GABRB2: variants seen among roughly 807,000 people sequenced by gnomAD.
GABRB2 encodes the protein gamma-aminobutyric acid type A receptor subunit beta2.
Under a neutral mutation model 54.7 loss-of-function variants are expected in GABRB2, and 16 were observed. That is an observed-to-expected ratio of 0.29 (90% CI 0.20 to 0.44). The LOEUF (loss-of-function observed/expected upper bound fraction) is 0.44, where lower values mean the gene tolerates loss of function less well. Ranked by LOEUF, GABRB2 falls within the 20% of genes least tolerant of loss-of-function variation. GABRB2 has a pLI of 1.00. For missense variants in GABRB2, 355 were observed against 644.0 expected, an observed-to-expected ratio of 0.55 and a Z score of 4.86; for synonymous variants, 244 against 233.8, an observed-to-expected ratio of 1.04 and a Z score of -0.40.
At chr5:161,402,869 A>G (rs1756239698) in intron 5 of GABRB2, among the ~76,000 whole-genome samples, 3 of 152,162 alleles carry the variant, frequency 2.0e-5, no homozygotes, top group South Asian at 2.1e-4. Flanking sequence ...CTCATTCCCA[A>G]TGCTGGCTGT....
rs182407493 is a variant in GABRB2, at chr5:161,313,553, G to A, written c.1191+12815C>T. On this transcript the variant is annotated intron_variant, in intron 9 of 9. Coordinates refer to ENST00000393959, the MANE Select transcript of GABRB2 (RefSeq NM_001371727.1). The stretch of plus-strand genomic sequence containing the variant: ...CGAGACAGTGGACTGACTGCCGTTA[G>A]ACTGAGAGAGCCAATGCTACTGAAT... Among the ~76,000 whole-genome samples the A allele has an allele frequency of 9.5e-4, 143 of 150,484 alleles. 1 individual carries two copies. Among genetic ancestry groups the A allele is most frequent in the Admixed American group, 3.3e-3 (50 of 15,004 alleles).
intron 3 of GABRB2, among the ~76,000 whole-genome samples, chr5:161,463,588 T>TAG (rs1758192320): frequency 8.4e-6 from 1 of 119,196 alleles, no homozygotes; most frequent in Non-Finnish European, 1.8e-5. Flanking sequence ...TATATATATA[T>TAG]ATATATATAT....
intron 3 of GABRB2, among the ~76,000 whole-genome samples, chr5:161,475,641 C>T (rs990951089): frequency 6.6e-6 from 1 of 151,816 alleles, no homozygotes; most frequent in Non-Finnish European, 1.5e-5. Context: ...TCCTGGAATG[C>T]AAAGATGGTT....
chr5:161,308,494 GA>G (rs1483408599), intron 9 of GABRB2, among the ~76,000 whole-genome samples: 2 of 152,094 alleles, frequency 1.3e-5, no homozygotes, highest in African/African-American at 4.8e-5. Flanking sequence ...CTCAGAACTA[GA>G]AAAAACTATC....
chr5:161,402,745 C>T (rs971991054), intron 5 of GABRB2, among the ~76,000 whole-genome samples: 2 of 152,104 alleles, frequency 1.3e-5, no homozygotes, highest in African/African-American at 2.4e-5. Context: ...TCAGACCTCA[C>T]CCAGGTCCAC....
At chr5:161,336,524 C>T in intron 6 of GABRB2, 108 bp downstream of exon 6, 2 of 1,286,062 alleles carry the variant, frequency 1.6e-6, no homozygotes, top group South Asian at 1.5e-5. Flanking sequence ...GTGGATTTGT[C>T]TTGTAAAGTC....
intron 3 of GABRB2, among the ~76,000 whole-genome samples, chr5:161,495,000 A>G (rs1759189121): frequency 6.6e-6 from 1 of 151,942 alleles, no homozygotes; most frequent in Non-Finnish European, 1.5e-5. Flanking sequence ...GACATTTGAA[A>G]TTCTAATTGA....
chr5:161,516,604 C>T (rs1288104984), intron 3 of GABRB2, among the ~76,000 whole-genome samples: 1 of 152,288 alleles, frequency 6.6e-6, no homozygotes, highest in African/African-American at 2.4e-5. Flanking sequence ...ATATGCCACA[C>T]ATTCCCTATA....
At chr5:161,448,566 T>A (rs1269273241) in intron 4 of GABRB2, among the ~76,000 whole-genome samples, 1 of 152,160 alleles carries the variant, frequency 6.6e-6, no homozygotes, top group East Asian at 1.9e-4. Flanking sequence ...TAAAGTTTTG[T>A]ATCTTTGGCT....
At chr5:161,459,315 T>C (rs998567269) in intron 4 of GABRB2, 1 of 340,352 alleles carries the variant, frequency 2.9e-6, no homozygotes, top group Non-Finnish European at 5.5e-6. Context: ...TTCACAATGT[T>C]TTTGTATTTT....
intron 4 of GABRB2, among the ~76,000 whole-genome samples, chr5:161,414,072 G>T (rs1174075933): frequency 1.3e-5 from 2 of 152,268 alleles, no homozygotes; most frequent in East Asian, 3.9e-4. Context: ...TTTTACTGTT[G>T]TTTTAATGAT....
chr5:161,370,978 A>G (rs984264414), intron 5 of GABRB2, among the ~76,000 whole-genome samples: 6 of 152,208 alleles, frequency 3.9e-5, no homozygotes, highest in African/African-American at 1.4e-4. Flanking sequence ...AAAATCATGT[A>G]GCAGTATGTT....
intron 5 of GABRB2, among the ~76,000 whole-genome samples, chr5:161,394,999 C>A (rs2113055029): frequency 6.6e-6 from 1 of 152,158 alleles, no homozygotes; most frequent in Non-Finnish European, 1.5e-5. Flanking sequence ...AAATGACAAT[C>A]TATAATGGCT....
intron 8 of GABRB2, among the ~76,000 whole-genome samples, chr5:161,327,190 G>A (rs996794157): frequency 6.6e-6 from 1 of 151,930 alleles, no homozygotes; most frequent in Non-Finnish European, 1.5e-5. Flanking sequence ...ACCTCATGTT[G>A]GTTTAAAGTT....
intron 3 of GABRB2, among the ~76,000 whole-genome samples, chr5:161,541,519 A>T (rs981697560): frequency 6.6e-6 from 1 of 152,222 alleles, no homozygotes; most frequent in African/African-American, 2.4e-5. Context: ...TTCACTGATT[A>T]CCTTGCATCT....
chr5:161,344,610 G>C (rs1315999018), intron 5 of GABRB2, among the ~76,000 whole-genome samples: 1 of 152,010 alleles, frequency 6.6e-6, no homozygotes, highest in Non-Finnish European at 1.5e-5. Context: ...GTGTAAATTA[G>C]ATTAACCATT....
At chr5:161,546,785 G>A (rs1761000721), upstream of GABRB2, 11 of 1,416,410 alleles carry the variant, frequency 7.8e-6, no homozygotes, top group South Asian at 1.6e-5. Context: ...GCCGGGGACC[G>A]AGCAGATTTC....
intron 4 of GABRB2, among the ~76,000 whole-genome samples, chr5:161,442,101 T>A (rs543758940): frequency 6.6e-6 from 1 of 152,248 alleles, no homozygotes; most frequent in Non-Finnish European, 1.5e-5. Context: ...AACAATGTAA[T>A]TGGATTGCTT....
chr5:161,493,602 A>G lies in GABRB2; in HGVS notation c.238-33758T>C, dbSNP rs529827086. 5.9e-5 allele frequency among the ~76,000 whole-genome samples: 9 copies of G among 151,900 alleles called. No homozygotes were observed. The South Asian group carries it at 1.2e-3, about 21-fold the overall frequency. ...AAAATTCCAATGTGTTTTCAGATCA[A>G]TCTGGAAAAACTGCTGTCTTTATAC... On this transcript the variant is annotated intron_variant, in intron 3 of 9. Coordinates refer to ENST00000393959, the MANE Select transcript of GABRB2 (RefSeq NM_001371727.1).
Sources: allele counts gnomAD v4.1 joint callset (sites outside exome capture counted in the v4.1 genomes callset), GRCh38; gene constraint gnomAD v4.1.1; transcripts MANE v1.5; gene names NCBI Gene and HGNC (gene_info 2026-07-23, HGNC 2026-07-21).